ONECUT3: variants seen among roughly 807,000 people sequenced by gnomAD.
ONECUT3 encodes the protein one cut domain family member 3.
In ONECUT3, 11 loss-of-function variants were observed where a neutral mutation model predicts 16.8. That is an observed-to-expected ratio of 0.66 (90% CI 0.41 to 1.09). The LOEUF (loss-of-function observed/expected upper bound fraction) is 1.09. ONECUT3 is among the 50% of genes least tolerant of loss of function. The pLI is 0.00. For synonymous variants in ONECUT3, 344 were observed against 310.7 expected (o/e 1.11, Z -1.13); for missense variants, 637 against 629.9 (o/e 1.01, Z -0.12).
rs1262563885 is a variant in ONECUT3 at position 1,766,316 on chromosome 19, C to A, written c.1193-8837C>A. On this transcript the variant is annotated intron_variant, in intron 1 of 1. Transcript: ENST00000382349. The surrounding 1 kb of genome is among the most constrained non-coding windows in gnomAD (Gnocchi z 4.0). ...GCACCCTCAGCCCGCACGCGGCCAA[C>A]GTCAGGCGCGCGCAGAGGCACCCAC... Among the ~76,000 whole-genome samples, 1 of 152,194 alleles carries A rather than the reference C, an allele frequency of 6.6e-6. No individual in the cohort carries two copies. Among genetic ancestry groups the A allele is most frequent in the Non-Finnish European group, 1.5e-5 (1 of 68,036 alleles).
Position 1,775,535 on chromosome 19 carries a change from G to C in ONECUT3, c.*90G>C. Reference sequence around the variant, plus strand: ...CCACATCCTGCCGGCCCGGAGACCCGCCCCCAGGGGGCACCTGGAGGGGGT... The same window carrying C: ...CCACATCCTGCCGGCCCGGAGACCCCCCCCCAGGGGGCACCTGGAGGGGGT... On this transcript the variant is annotated 3_prime_UTR_variant, in exon 2 of 2. Transcript: ENST00000382349. 7.6e-7 allele frequency: 1 copy of C among 1,314,764 alleles called. No individual in the cohort carries two copies. Among genetic ancestry groups the C allele is most frequent in the Non-Finnish European group, 9.9e-7 (1 of 1,012,652 alleles). The allele number at this position is 1,314,764 out of a possible 1,614,324, so 81.4% of individuals were successfully genotyped here. A position where few individuals can be genotyped will look rare whatever the true frequency, so the allele number is the denominator to read the frequency against.
chr19:1,767,688 C>G (rs938684987), intron 1 of ONECUT3, among the ~76,000 whole-genome samples: 21 of 152,220 alleles, frequency 1.4e-4, no homozygotes, highest in African/African-American at 4.6e-4. Context: ...CCCGGGACCT[C>G]CCCGCCCAGA....
rs2068115978 is a variant in ONECUT3 at position 1,777,044 on chromosome 19, GA to G, written c.*1600del. ...CGAAAGAGAGAGAGAGAGAGAGGGAGAGAGAGGGAGAGAAAGGGAGAGAGGG... is the reference window on the plus strand; with the variant it reads ...CGAAAGAGAGAGAGAGAGAGAGGGAGGAGAGGGAGAGAAAGGGAGAGAGGG... On this transcript the variant is annotated 3_prime_UTR_variant, in exon 2 of 2. Coordinates refer to ENST00000382349, the MANE Select transcript of ONECUT3 (RefSeq NM_001080488.2). The G allele has an allele frequency of 6.6e-6, 1 of 151,790 alleles. No individual in the cohort carries two copies. The highest frequency in any genetic ancestry group is 2.1e-4 in the South Asian group (1 of 4,814). The allele number at this position is 151,790 out of a possible 1,614,324, so 9.4% of individuals were successfully genotyped here. A position where few individuals can be genotyped will look rare whatever the true frequency, so the allele number is the denominator to read the frequency against.
At chr19:1,770,701 G>A (rs932124334) in intron 1 of ONECUT3, among the ~76,000 whole-genome samples, 18 of 152,220 alleles carry the variant, frequency 1.2e-4, no homozygotes, top group Admixed American at 9.2e-4. Context: ...TTGAAAGAAT[G>A]GAGGACTGGG....
Position 1,754,957 on chromosome 19 carries a change from C to T in ONECUT3, c.1192+103C>T, listed in dbSNP as rs1600336970. Reference sequence around the variant, plus strand: ...ATGCCCGGGGCCAGCGCCCCAAGCCCCGCCCGTGCGCCCCGGCAGCCCGGG... The same window carrying T: ...ATGCCCGGGGCCAGCGCCCCAAGCCTCGCCCGTGCGCCCCGGCAGCCCGGG... On this transcript the variant is annotated intron_variant, in intron 1 of 1. Transcript: ENST00000382349. The surrounding 1 kb of genome is among the most constrained non-coding windows in gnomAD (Gnocchi z 7.4). 1.6e-6 allele frequency: 2 copies of T among 1,263,044 alleles called. No homozygotes were observed. The allele number at this position is 1,263,044 out of a possible 1,614,324, so 78.2% of individuals were successfully genotyped here. A position where few individuals can be genotyped will look rare whatever the true frequency, so the allele number is the denominator to read the frequency against.
At chr19:1,771,811 CTG>C (rs2068057625) in intron 1 of ONECUT3, among the ~76,000 whole-genome samples, 1 of 151,902 alleles carries the variant, frequency 6.6e-6, no homozygotes. Context: ...TCCTGAATAA[CTG>C]GGACCACAGG....
intron 1 of ONECUT3, among the ~76,000 whole-genome samples, chr19:1,760,626 G>C (rs2067941586): frequency 6.6e-6 from 1 of 151,708 alleles, no homozygotes; most frequent in African/African-American, 2.4e-5. Flanking sequence ...TCACCTGGGA[G>C]ACCACCGGAG....
At chr19:1,771,564 C>T (rs1568600996) in intron 1 of ONECUT3, among the ~76,000 whole-genome samples, 1 of 152,204 alleles carries the variant, frequency 6.6e-6, no homozygotes, top group African/African-American at 2.4e-5. Flanking sequence ...CTTTGCATGA[C>T]ATCTGGCTTT....
intron 1 of ONECUT3, among the ~76,000 whole-genome samples, chr19:1,770,740 C>T (rs1032733586): frequency 4.6e-5 from 7 of 152,156 alleles, no homozygotes; most frequent in Admixed American, 1.3e-4. Context: ...ATAGGGTGGC[C>T]GAGTGCCAAA....
chr19:1,755,637 T>C lies in ONECUT3; in HGVS notation c.1192+783T>C, dbSNP rs900463451. 5.3e-5 allele frequency among the ~76,000 whole-genome samples: 8 copies of C among 152,278 alleles called. No homozygotes were observed. The highest frequency in any genetic ancestry group is 1.2e-4 in the Non-Finnish European group (8 of 68,016). On this transcript the variant is annotated intron_variant, in intron 1 of 1. Transcript: ENST00000382349. The surrounding 1 kb of genome is among the most constrained non-coding windows in gnomAD (Gnocchi z 7.5). ...GCTTTGGGGTTTTGTGTCTCTCATGTCCACTTCTCTCCTCTCTCGGTCGGA... is the reference window on the plus strand; with the variant it reads ...GCTTTGGGGTTTTGTGTCTCTCATGCCCACTTCTCTCCTCTCTCGGTCGGA...
rs915581375 is a variant in ONECUT3, at chr19:1,778,222, C to T, written c.*2777C>T. 6.6e-6 allele frequency: 1 copy of T among 152,136 alleles called. No homozygotes were observed. Among genetic ancestry groups the T allele is most frequent in the Non-Finnish European group, 1.5e-5 (1 of 68,104 alleles). The allele number at this position is 152,136 out of a possible 1,614,324, so 9.4% of individuals were successfully genotyped here. Reference sequence around the variant, plus strand: ...TCAAGTGATCCTCCTGCCTCAGCCTCCCAGTAGCTGGGGCCACAAGCACAC... The same window carrying T: ...TCAAGTGATCCTCCTGCCTCAGCCTTCCAGTAGCTGGGGCCACAAGCACAC... On this transcript the variant is annotated 3_prime_UTR_variant, in exon 2 of 2. Transcript: ENST00000382349.
intron 1 of ONECUT3, among the ~76,000 whole-genome samples, chr19:1,769,632 G>A (rs2068035126): frequency 6.6e-6 from 1 of 151,912 alleles, no homozygotes; most frequent in African/African-American, 2.4e-5. Context: ...TCAGGTGGCG[G>A]TGGTGATGGG....
In ONECUT3 at chr19:1,762,568, T is replaced by C. The variant is rs540465057; in HGVS notation, c.1192+7714T>C. Reference sequence around the variant, plus strand: ...TGCGCACATCGGTCCTTGGCGGGTGTGTGGATCCCAGAGCGCGCCCGGCCC... The same window carrying C: ...TGCGCACATCGGTCCTTGGCGGGTGCGTGGATCCCAGAGCGCGCCCGGCCC... On this transcript the variant is annotated intron_variant, in intron 1 of 1. Transcript: ENST00000382349. The surrounding 1 kb of genome is among the most constrained non-coding windows in gnomAD (Gnocchi z 4.4). Among the ~76,000 whole-genome samples, 5 of 152,290 alleles carry C rather than the reference T, an allele frequency of 3.3e-5. No individual in the cohort carries two copies. Among genetic ancestry groups the C allele is most frequent in the East Asian group, 1.9e-4 (1 of 5,166 alleles).
chr19:1,754,195 T>C lies in ONECUT3; in HGVS notation c.533T>C (p.Leu178Pro). The change falls in exon 1 of 2, where the codon CTC becomes CCC. Residue 178 changes from leucine to proline, a missense_variant. By Grantham distance (98) the Leu-to-Pro change is moderately conservative. This residue lies in a region of ONECUT3 where 419 missense variants were observed against 377.9 expected (regional missense o/e 1.11). Coordinates refer to ENST00000382349, the MANE Select transcript of ONECUT3 (RefSeq NM_001080488.2). This position sits in a 1 kb window ranked among gnomAD's most constrained non-coding sequence, Gnocchi z 7.4. ...FTLMRDERAA[L>P]ASVGHLYGPY... ...CTCATGCGCGACGAGCGGGCGGCGC[T>C]CGCCTCCGTGGGCCACCTCTACGGA... is the stretch of plus-strand genomic sequence containing the variant. 8.9e-7 allele frequency: 1 copy of C among 1,127,570 alleles called. No homozygotes were observed. Among genetic ancestry groups the C allele is most frequent in the Non-Finnish European group, 1.1e-6 (1 of 911,648 alleles). 69.8% of individuals were successfully genotyped at this position (1,127,570 alleles called of 1,614,324 possible).
In ONECUT3 at chr19:1,762,856, G is replaced by A. The variant is rs1022194738; in HGVS notation, c.1192+8002G>A. 2.0e-5 allele frequency among the ~76,000 whole-genome samples: 3 copies of A among 152,146 alleles called. No individual in the cohort carries two copies. The highest frequency in any genetic ancestry group is 4.4e-5 in the Non-Finnish European group (3 of 68,018). ...GGTGCGCTCAGCTCCAGCGCAGTGGGAGGACAAGACACGTTCCTCCTCCCC... is the reference window on the plus strand; with the variant it reads ...GGTGCGCTCAGCTCCAGCGCAGTGGAAGGACAAGACACGTTCCTCCTCCCC... On this transcript the variant is annotated intron_variant, in intron 1 of 1. Transcript: ENST00000382349. The surrounding 1 kb of genome is among the most constrained non-coding windows in gnomAD (Gnocchi z 4.4).
chr19:1,754,373 C>A lies in ONECUT3; in HGVS notation c.711C>A (p.Asp237Glu). Reference protein sequence around the residue: ...AYGPPGHLAGDKLLPPAAFEP... With the variant: ...AYGPPGHLAGEKLLPPAAFEP... The stretch of plus-strand genomic sequence containing the variant: ...GCCCGCCAGGCCACCTGGCTGGGGA[C>A]AAGCTGCTGCCGCCCGCCGCCTTCG... The change falls in exon 1 of 2, where the codon GAC becomes GAA. Residue 237 changes from aspartate (D) to glutamate (E), a missense_variant. Asp to Glu is a conservative substitution (Grantham distance 45, BLOSUM62 2). Around this residue, in one of 3 missense-constraint regions of ONECUT3, gnomAD observed 419 missense variants for 377.9 expected, o/e 1.11. Transcript: ENST00000382349. The surrounding 1 kb of genome is among the most constrained non-coding windows in gnomAD (Gnocchi z 7.4). 9.1e-7 allele frequency: 1 copy of A among 1,103,936 alleles called. No individual in the cohort carries two copies. Among genetic ancestry groups the A allele is most frequent in the South Asian group, 2.4e-5 (1 of 42,254 alleles). 68.4% of individuals were successfully genotyped at this position (1,103,936 alleles called of 1,614,324 possible). A position where few individuals can be genotyped will look rare whatever the true frequency, so the allele number is the denominator to read the frequency against.
intron 1 of ONECUT3, among the ~76,000 whole-genome samples, chr19:1,757,317 G>C (rs2145956886): frequency 6.6e-6 from 1 of 152,390 alleles, no homozygotes; most frequent in African/African-American, 2.4e-5. Flanking sequence ...TGGGGAAACA[G>C]GCTCCGTTTG....
At position 1,759,813 on chromosome 19, in the gene ONECUT3, GC is replaced by G. The variant is rs1178982049; in HGVS notation, c.1192+4961del. On this transcript the variant is annotated intron_variant, in intron 1 of 1. Coordinates refer to ENST00000382349, the MANE Select transcript of ONECUT3 (RefSeq NM_001080488.2). The surrounding 1 kb of genome is among the most constrained non-coding windows in gnomAD (Gnocchi z 4.1). ...TGGAGGGGCTCAGGGGTCTGAAGGG[GC>G]CACCGTAGGTTTCCACAGGGATGCA... Among the ~76,000 whole-genome samples, 4 of 152,304 alleles carry G rather than the reference GC, an allele frequency of 2.6e-5. No individual in the cohort carries two copies. In the East Asian group the frequency reaches 7.7e-4, roughly 29 times the overall value.
intron 1 of ONECUT3, among the ~76,000 whole-genome samples, chr19:1,771,310 T>C (rs916774420): frequency 6.6e-6 from 1 of 152,152 alleles, no homozygotes; most frequent in African/African-American, 2.4e-5. Flanking sequence ...TCCCACACCA[T>C]CCTTTTTTTA....
Sources: gnomAD v4.1 joint callset for allele counts (sites outside exome capture counted in the v4.1 genomes callset) on GRCh38, gnomAD v4.1.1 for gene constraint, gnomAD v4.1.1 regional missense constraint, Gnocchi (gnomAD v3.1) non-coding constraint, MANE v1.5 for transcripts, NCBI Gene and HGNC (gene_info 2026-07-23, HGNC 2026-07-21) for gene names.